The following CCDC63 variants were observed in gnomAD, a reference collection of about 807,000 sequenced individuals.
CCDC63 encodes coiled-coil domain containing 63, also known as coiled-coil domain-containing protein 63.
In CCDC63, 54 loss-of-function variants were observed where a neutral mutation model predicts 63.6. The ratio of observed to expected loss-of-function variants is 0.85; its 90% CI spans 0.68 to 1.07. CCDC63 has a LOEUF of 1.07. Among genes scored for constraint, CCDC63 ranks in the 50% least tolerant of loss-of-function variants. The pLI is 0.00. For synonymous variants in CCDC63, 253 were observed against 266.1 expected (o/e 0.95, Z 0.48); for missense variants, 637 against 689.6 (o/e 0.92, Z 0.86).
At chr12:110,879,707 A>G (rs1840769362) in intron 5 of CCDC63, among the ~76,000 whole-genome samples, 199 bp from the exon 6 acceptor site, 2 of 152,144 alleles carry the variant, frequency 1.3e-5, no homozygotes, top group Non-Finnish European at 2.9e-5. Flanking sequence ...AAAAGGATCC[A>G]CTAAAGGGCC....
intron 8 of CCDC63, among the ~76,000 whole-genome samples, chr12:110,890,773 CTTTTTTT>C (rs769120162): frequency 9.1e-5 from 9 of 98,400 alleles, no homozygotes; most frequent in South Asian, 3.3e-4. Flanking sequence ...TCCTCCTTTT[CTTTTTTT>C]TTTTTTTTTT....
At chr12:110,885,794 G>T (rs1397354066) in intron 8 of CCDC63, among the ~76,000 whole-genome samples, 2 of 152,232 alleles carry the variant, frequency 1.3e-5, no homozygotes, top group Non-Finnish European at 2.9e-5. Context: ...TTTCCCAAAT[G>T]TGGGGCATGC....
chr12:110,860,801 C>T (rs1178731539), intron 4 of CCDC63, among the ~76,000 whole-genome samples: 1 of 152,162 alleles, frequency 6.6e-6, no homozygotes, highest in Admixed American at 6.5e-5. Flanking sequence ...GTTGCCCAGG[C>T]TGGTCTCGAA....
At chr12:110,855,431 A>G (rs79576587) in intron 3 of CCDC63, among the ~76,000 whole-genome samples, 4,322 of 152,132 alleles carry the variant, frequency 0.028, 98 homozygotes, top group East Asian at 0.1. Flanking sequence ...TGTCTCTGAC[A>G]ATTTTTCTTG....
At chr12:110,893,647 A>G (rs989480273) in intron 9 of CCDC63, among the ~76,000 whole-genome samples, 3 of 152,186 alleles carry the variant, frequency 2.0e-5, no homozygotes, top group Non-Finnish European at 4.4e-5. Context: ...CGTTTTACAG[A>G]TGCAGAGGCT....
chr12:110,868,499 G>T (rs1424740480), intron 4 of CCDC63, among the ~76,000 whole-genome samples: 1 of 150,216 alleles, frequency 6.7e-6, no homozygotes, highest in Non-Finnish European at 1.5e-5. Flanking sequence ...GGAGGCCGAG[G>T]TTGGCGGATC....
At chr12:110,882,850 T>TTTTA (rs200058576) in intron 7 of CCDC63, among the ~76,000 whole-genome samples, 1,669 of 151,756 alleles carry the variant, frequency 0.011, 26 homozygotes, top group African/African-American at 0.034. Context: ...TAAACGATCC[T>TTTTA]TTTATTTATT....
intron 4 of CCDC63, among the ~76,000 whole-genome samples, chr12:110,868,617 A>C (rs1173238747): frequency 3.3e-5 from 5 of 151,592 alleles, no homozygotes; most frequent in African/African-American, 1.2e-4. Context: ...GGCATTCGGC[A>C]GACTGAGGCA....
In CCDC63 at chr12:110,904,698, T is replaced by TG. The variant is rs761841287; in HGVS notation, c.1457dup (p.Gly487TrpfsTer21). On this transcript the variant is annotated frameshift_variant, in exon 11 of 12. Transcript: ENST00000308208. LOFTEE classifies it high-confidence loss of function. ...CCCGCCACCCTTCATCAACCCTTTC[T>TG]GGGGTGGCTCTGCCCTCCTCAAGCC... The TG allele has an allele frequency of 3.1e-5, 50 of 1,613,966 alleles. No homozygotes were observed. The highest frequency in any genetic ancestry group is 4.0e-5 in the Non-Finnish European group (47 of 1,180,006).
Position 110,892,151 on chromosome 12 carries a change from C to G in CCDC63, c.1075-925C>G, listed in dbSNP as rs555443305. ...AAGCCTCCAGGTGACTCTGGAGAGT[C>G]TGAGAGTATGCTCAGGTTTGAGAAC... On this transcript the variant is annotated intron_variant, in intron 8 of 11. Transcript: ENST00000308208. Among the ~76,000 whole-genome samples, 4 of 152,258 alleles carry G rather than the reference C, an allele frequency of 2.6e-5. No homozygotes were observed. In the South Asian group the frequency reaches 8.3e-4, roughly 32 times the overall value.
chr12:110,871,627 C>G (rs1433907915), intron 4 of CCDC63, among the ~76,000 whole-genome samples: 7 of 150,384 alleles, frequency 4.7e-5, no homozygotes, highest in Non-Finnish European at 1.0e-4. Flanking sequence ...TGCAGTGGTG[C>G]GATCTCCTTC....
intron 4 of CCDC63, among the ~76,000 whole-genome samples, chr12:110,868,798 AGGG>A: frequency 6.9e-6 from 1 of 144,246 alleles, no homozygotes; most frequent in Non-Finnish European, 1.5e-5. Flanking sequence ...GGAGAGGGAG[AGGG>A]AGAGCTTAAG....
chr12:110,858,529 G>T lies in CCDC63; in HGVS notation c.180-57G>T. ...CTTGCAGGGCTGATGTGCCTGGAGT[G>T]CTCCGTCAAGTTAAACTTAGGGGTT... is the stretch of plus-strand genomic sequence containing the variant. On this transcript the variant is annotated intron_variant, in intron 3 of 11. Transcript: ENST00000308208. 2.0e-6 allele frequency: 3 copies of T among 1,509,450 alleles called. No homozygotes were observed. In the East Asian group the frequency reaches 6.8e-5, roughly 34 times the overall value. The allele number at this position is 1,509,450 out of a possible 1,614,324, so 93.5% of individuals were successfully genotyped here.
intron 8 of CCDC63, among the ~76,000 whole-genome samples, chr12:110,884,626 T>A (rs1481076069): frequency 3.3e-5 from 5 of 152,084 alleles, no homozygotes; most frequent in Non-Finnish European, 7.4e-5. Context: ...TCCTCCCACC[T>A]TGGACTCCCA....
At chr12:110,871,568 T>A (rs1468168611) in intron 4 of CCDC63, among the ~76,000 whole-genome samples, 1 of 150,910 alleles carries the variant, frequency 6.6e-6, no homozygotes, top group Non-Finnish European at 1.5e-5. Flanking sequence ...TCCTTCCTTT[T>A]TTTTTTTTTG....
chr12:110,880,287 T>C (rs879903421), intron 6 of CCDC63, among the ~76,000 whole-genome samples, 200 bp downstream of exon 6: 2 of 152,166 alleles, frequency 1.3e-5, no homozygotes, highest in Non-Finnish European at 2.9e-5. Context: ...CTCTCACAAC[T>C]GCCCTAGGAA....
intron 4 of CCDC63, among the ~76,000 whole-genome samples, chr12:110,861,991 T>C (rs2070860420): frequency 6.6e-6 from 1 of 152,138 alleles, no homozygotes; most frequent in Non-Finnish European, 1.5e-5. Context: ...CCTTCGTGGC[T>C]TGTTTCCAGT....
chr12:110,853,687 C>T, intron 3 of CCDC63, 113 bp downstream of exon 3: 3 of 1,158,404 alleles, frequency 2.6e-6, no homozygotes, highest in Non-Finnish European at 3.8e-6. Flanking sequence ...CACCTCTGAG[C>T]CCCATTGGAG....
At chr12:110,853,030 A>T in intron 2 of CCDC63, 67 bp downstream of exon 2, 2 of 1,523,016 alleles carry the variant, frequency 1.3e-6, no homozygotes, top group Non-Finnish European at 1.8e-6. Flanking sequence ...CATCCACTTT[A>T]CACGTTAGCT....
Sources: gnomAD v4.1 joint callset for allele counts (sites outside exome capture counted in the v4.1 genomes callset) on GRCh38, gnomAD v4.1.1 for gene constraint, MANE v1.5 for transcripts, NCBI Gene and HGNC (gene_info 2026-07-23, HGNC 2026-07-21) for gene names.